The following LFNG variants were observed in gnomAD, a reference collection of about 807,000 sequenced individuals.
LFNG encodes LFNG O-fucosylpeptide 3-beta-N-acetylglucosaminyltransferase, also known as beta-1,3-N-acetylglucosaminyltransferase lunatic fringe.
A neutral mutation model predicts 32.7 loss-of-function variants in LFNG; 15 were observed. The observed-to-expected ratio is 0.46, with a 90% CI of 0.31 to 0.71. The LOEUF (loss-of-function observed/expected upper bound fraction) is 0.71. Ranked by LOEUF, LFNG falls within the 30% of genes least tolerant of loss-of-function variation. The pLI is 0.06. For synonymous variants in LFNG, 274 were observed against 246.8 expected, an observed-to-expected ratio of 1.11 and a Z score of -1.03; for missense variants, 520 against 545.7, an observed-to-expected ratio of 0.95 and a Z score of 0.47.
Position 2,526,875 on chromosome 7 carries a change from G to T in LFNG, c.1027G>T (p.Ala343Ser). Reference protein sequence around the residue: ...SYGMFENKRNAVHVKGPFSVE... With the variant: ...SYGMFENKRNSVHVKGPFSVE... The stretch of plus-strand genomic sequence containing the variant: ...CGGTATGTTTGAAAACAAGCGGAAC[G>T]CCGTCCACGTGAAGGGGCCCTTCTC... Residue 343 changes from alanine (A) to serine (S), a missense_variant, in exon 7 of 8, where the codon GCC becomes TCC. This residue lies in a region of LFNG where 150 missense variants were observed against 159.9 expected (regional missense o/e 0.94). Transcript: ENST00000222725. This position sits in a 1 kb window ranked among gnomAD's most constrained non-coding sequence, Gnocchi z 6.9. The T allele has an allele frequency of 6.2e-7, 1 of 1,612,396 alleles. No individual in the cohort carries two copies. Among genetic ancestry groups the T allele is most frequent in the Non-Finnish European group, 8.5e-7 (1 of 1,179,882 alleles).
rs559534922 is a variant in LFNG at position 2,526,442 on chromosome 7, G to A, written c.987+33G>A. 4.1e-5 allele frequency: 65 copies of A among 1,600,764 alleles called. No homozygotes were observed. The highest frequency in any genetic ancestry group is 2.1e-4 in the South Asian group (19 of 91,028). ...ATCCTCCGGGCCCCGCCAGGACTCCGAGAGCACAGGAAGGGACGTGTGGCT... is the reference window on the plus strand; with the variant it reads ...ATCCTCCGGGCCCCGCCAGGACTCCAAGAGCACAGGAAGGGACGTGTGGCT... On this transcript the variant is annotated intron_variant, in intron 6 of 7. Transcript: ENST00000222725. This position sits in a 1 kb window ranked among gnomAD's most constrained non-coding sequence, Gnocchi z 6.9.
upstream of LFNG, among the ~76,000 whole-genome samples, chr7:2,515,389 G>T (rs567624704): frequency 6.6e-6 from 1 of 152,306 alleles, no homozygotes; most frequent in South Asian, 2.1e-4. Flanking sequence ...GGACACAGAC[G>T]TAAAGGAGCA....
In LFNG at chr7:2,527,748, C is replaced by A; in HGVS notation, c.*536C>A. 1 of 1,025,414 alleles carries A rather than the reference C, an allele frequency of 9.8e-7. No individual in the cohort carries two copies. The highest frequency in any genetic ancestry group is 1.2e-6 in the Non-Finnish European group (1 of 852,242). 63.5% of individuals were successfully genotyped at this position (1,025,414 alleles called of 1,614,324 possible). On this transcript the variant is annotated 3_prime_UTR_variant, in exon 8 of 8. Transcript: ENST00000222725. This position sits in a 1 kb window ranked among gnomAD's most constrained non-coding sequence, Gnocchi z 4.4. ...AATCCCCTTCCTCCTGGCCTGGACG[C>A]TGTGGCTTAAGAGTAACAGCAGCCA...
chr7:2,520,738 C>A lies in LFNG; in HGVS notation c.432+445C>A, dbSNP rs1779765824. Among the ~76,000 whole-genome samples the A allele has an allele frequency of 1.3e-5, 2 of 152,354 alleles. No individual in the cohort carries two copies. The highest frequency in any genetic ancestry group is 4.1e-4 in the South Asian group (2 of 4,828). ...AGTGAGGGGTTCTGACCTCTGGGCC[C>A]TTTCCTCATCACAGTGTTAAGGTAC... On this transcript the variant is annotated intron_variant, in intron 1 of 7. Transcript: ENST00000222725. The surrounding 1 kb of genome is among the most constrained non-coding windows in gnomAD (Gnocchi z 5.0).
At chr7:2,518,491 G>A (rs1047130913), upstream of LFNG, 3 of 883,300 alleles carry the variant, frequency 3.4e-6, no homozygotes, top group Admixed American at 5.1e-5. Flanking sequence ...AGTGGGGCCA[G>A]ACATTTATCC....
rs996062142 is a variant in LFNG, at chr7:2,527,356, T to C, written c.*144T>C. The C allele has an allele frequency of 7.2e-7, 1 of 1,393,674 alleles. No individual in the cohort carries two copies. The highest frequency in any genetic ancestry group is 1.4e-5 in the South Asian group (1 of 70,290). 86.3% of individuals were successfully genotyped at this position (1,393,674 alleles called of 1,614,324 possible). ...CGTGTGCGTGTGTGTGTGTGTGTAC[T>C]GCATGCCCACCCGGGTAGCAGGCTG... On this transcript the variant is annotated 3_prime_UTR_variant, in exon 8 of 8. Coordinates refer to ENST00000222725, the MANE Select transcript of LFNG (RefSeq NM_001040167.2). This position sits in a 1 kb window ranked among gnomAD's most constrained non-coding sequence, Gnocchi z 4.4.
In LFNG at chr7:2,520,227, C is replaced by G; in HGVS notation, c.366C>G (p.Thr122=). The change falls in exon 1 of 8, where the codon ACC becomes ACG. Residue 122 remains threonine (T), a synonymous_variant. Coordinates refer to ENST00000222725, the MANE Select transcript of LFNG (RefSeq NM_001040167.2). The surrounding 1 kb of genome is among the most constrained non-coding windows in gnomAD (Gnocchi z 5.0). ...ACGTCTTCATCGCTGTCAAGACCAC[C>G]AAAAAGTTCCACCGCGCGCGCCTCG... is the stretch of plus-strand genomic sequence containing the variant. ...PRDVFIAVKT[T]KKFHRARLDL... is the part of the protein sequence containing the mutation. 1 of 1,610,018 alleles carries G rather than the reference C, an allele frequency of 6.2e-7. No individual in the cohort carries two copies. The highest frequency in any genetic ancestry group is 8.5e-7 in the Non-Finnish European group (1 of 1,178,744).
In LFNG at chr7:2,525,264, C is replaced by T. The variant is rs376234607; in HGVS notation, c.527C>T (p.Ala176Val). The T allele has an allele frequency of 9.9e-6, 16 of 1,612,866 alleles. No homozygotes were observed. Among genetic ancestry groups the T allele is most frequent in the Non-Finnish European group, 1.4e-5 (16 of 1,179,914 alleles). Residue 176 changes from alanine to valine, a missense_variant, in exon 3 of 8, where the codon GCG becomes GTG. Ala to Val is a moderately conservative substitution (Grantham distance 64). Around this residue, in one of 3 missense-constraint regions of LFNG, gnomAD observed 360 missense variants for 354.7 expected, o/e 1.01. Transcript: ENST00000222725. ...TGCTCGGCCGCCCACAGCCGCCAGG[C>T]GCTGTCCTGCAAGATGGCCGTGGAG... The part of the protein sequence containing the change: ...TNCSAAHSRQ[A>V]LSCKMAVEYD...
chr7:2,527,310 A>G lies in LFNG; in HGVS notation c.*98A>G. ...TGGCCTCGGCATTCGAGGCTCCCCTAGGGCCGTGCCTGTGCGTGTGCGTGT... is the reference window on the plus strand; with the variant it reads ...TGGCCTCGGCATTCGAGGCTCCCCTGGGGCCGTGCCTGTGCGTGTGCGTGT... On this transcript the variant is annotated 3_prime_UTR_variant, in exon 8 of 8. Transcript: ENST00000222725. This position sits in a 1 kb window ranked among gnomAD's most constrained non-coding sequence, Gnocchi z 4.4. The G allele has an allele frequency of 1.3e-6, 2 of 1,554,640 alleles. No homozygotes were observed. The highest frequency in any genetic ancestry group is 1.7e-6 in the Non-Finnish European group (2 of 1,158,324).
Position 2,527,668 on chromosome 7 carries a change from G to C in LFNG, c.*456G>C. 2.7e-6 allele frequency: 3 copies of C among 1,123,012 alleles called. No homozygotes were observed. Among genetic ancestry groups the C allele is most frequent in the Non-Finnish European group, 3.3e-6 (3 of 908,436 alleles). The allele number at this position is 1,123,012 out of a possible 1,614,324, so 69.6% of individuals were successfully genotyped here. A position where few individuals can be genotyped will look rare whatever the true frequency, so the allele number is the denominator to read the frequency against. On this transcript the variant is annotated 3_prime_UTR_variant, in exon 8 of 8. Transcript: ENST00000222725. This position sits in a 1 kb window ranked among gnomAD's most constrained non-coding sequence, Gnocchi z 4.4. ...GCCCCTGTGTCATAGCCCCAAGTAC[G>C]ACTCACTGAGCCATGCTCATTGCAG...
chr7:2,514,329 T>C (rs1779557001), upstream of LFNG, among the ~76,000 whole-genome samples: 1 of 151,720 alleles, frequency 6.6e-6, no homozygotes, highest in Non-Finnish European at 1.5e-5. Flanking sequence ...TACCAACCAA[T>C]GTTCATCAAG....
Position 2,527,908 on chromosome 7 carries a change from G to C in LFNG, c.*696G>C. The C allele has an allele frequency of 9.1e-6, 9 of 988,970 alleles. No individual in the cohort carries two copies. Among genetic ancestry groups the C allele is most frequent in the Non-Finnish European group, 1.1e-5 (9 of 831,902 alleles). The allele number at this position is 988,970 out of a possible 1,614,324, so 61.3% of individuals were successfully genotyped here. A position where few individuals can be genotyped will look rare whatever the true frequency, so the allele number is the denominator to read the frequency against. The stretch of plus-strand genomic sequence containing the variant: ...AGAGGTCTTCCCTTTGCCTCCCCAG[G>C]ACAGGGTGAGTCAGAGCTCAGCATT... On this transcript the variant is annotated 3_prime_UTR_variant, in exon 8 of 8. Transcript: ENST00000222725. The surrounding 1 kb of genome is among the most constrained non-coding windows in gnomAD (Gnocchi z 4.4).
downstream of LFNG, chr7:2,528,888 G>C (rs548615946): frequency 1.8e-6 from 1 of 558,584 alleles, no homozygotes; most frequent in African/African-American, 2.0e-5. Context: ...GGAAACTGAG[G>C]CACGGAGCAG....
chr7:2,514,779 C>CATGCATCCATCCATCCATTCATCT (rs1390711313), upstream of LFNG, among the ~76,000 whole-genome samples: 3 of 151,368 alleles, frequency 2.0e-5, no homozygotes, highest in Non-Finnish European at 4.4e-5. Context: ...TCCATTCATC[C>CATGCATCCATCCATCCATTCATCT]ATGCATCCAT....
At chr7:2,524,324 GGT>G (rs1428447714) in intron 1 of LFNG, among the ~76,000 whole-genome samples, 1 of 152,222 alleles carries the variant, frequency 6.6e-6, no homozygotes, top group Non-Finnish European at 1.5e-5. Flanking sequence ...TGTCAATAAG[GGT>G]GTGTGCCCTG....
At chr7:2,512,713 G>T in intron 1 of LFNG, 1 of 1,613,400 alleles carries the variant, frequency 6.2e-7, no homozygotes, top group Non-Finnish European at 8.5e-7. Flanking sequence ...TGGGCCTCAG[G>T]GTTGCTTTTC....
At position 2,525,804 on chromosome 7, in the gene LFNG, C is replaced by T. The variant is rs749324091; in HGVS notation, c.821+34C>T. On this transcript the variant is annotated intron_variant, in intron 5 of 7. Transcript: ENST00000222725. ...CCTGCACAGGTTAGGCCAGCCCGGT[C>T]CCAGGCTCCTCGCCACTGTGGGGCC... The T allele has an allele frequency of 4.4e-5, 69 of 1,572,752 alleles. No individual in the cohort carries two copies. In the East Asian group the frequency reaches 1.0e-3, roughly 24 times the overall value.
chr7:2,527,640 C>T lies in LFNG; in HGVS notation c.*428C>T. ...CTGGGGGTACCTGTGCCCTGAAGTC[C>T]TGGCCCCTGTGTCATAGCCCCAAGT... On this transcript the variant is annotated 3_prime_UTR_variant, in exon 8 of 8. Transcript: ENST00000222725. This position sits in a 1 kb window ranked among gnomAD's most constrained non-coding sequence, Gnocchi z 4.4. 3 of 1,156,680 alleles carry T rather than the reference C, an allele frequency of 2.6e-6. No individual in the cohort carries two copies. The highest frequency in any genetic ancestry group is 3.7e-5 in the South Asian group (2 of 54,404). The allele number at this position is 1,156,680 out of a possible 1,614,324, so 71.7% of individuals were successfully genotyped here. A position where few individuals can be genotyped will look rare whatever the true frequency, so the allele number is the denominator to read the frequency against.
chr7:2,522,222 TC>T (rs1481203113), intron 1 of LFNG, among the ~76,000 whole-genome samples: 1 of 152,100 alleles, frequency 6.6e-6, no homozygotes, highest in East Asian at 1.9e-4. Context: ...AGGGAAGACT[TC>T]CTGGAGGAGG....
Sources: gnomAD v4.1 joint callset for allele counts (sites outside exome capture counted in the v4.1 genomes callset) on GRCh38, gnomAD v4.1.1 for gene constraint, gnomAD v4.1.1 regional missense constraint, Gnocchi (gnomAD v3.1) non-coding constraint, MANE v1.5 for transcripts, NCBI Gene and HGNC (gene_info 2026-07-23, HGNC 2026-07-21) for gene names.